PTGER3: variants seen among roughly 807,000 people sequenced by gnomAD.
PTGER3 encodes prostaglandin E receptor 3, also known as prostaglandin E2 receptor EP3 subtype.
In PTGER3, 22 loss-of-function variants were observed where a neutral mutation model predicts 34.7. That is an observed-to-expected ratio of 0.63 (90% CI 0.45 to 0.91). The LOEUF (loss-of-function observed/expected upper bound fraction) is 0.91, where lower values mean the gene tolerates loss of function less well. Among genes scored for constraint, PTGER3 ranks in the 40% least tolerant of loss-of-function variants. The pLI is 0.00. For synonymous variants in PTGER3, 241 were observed against 230.1 expected (o/e 1.05, Z -0.43); for missense variants, 468 against 519.4 (o/e 0.90, Z 0.96).
intron 4 of PTGER3, among the ~76,000 whole-genome samples, chr1:70,865,267 A>G (rs779009078): frequency 7.0e-4 from 106 of 152,280 alleles, no homozygotes; most frequent in Admixed American, 2.4e-3. Context: ...TATCAAAAGC[A>G]GTAGGGGTGT....
intron 4 of PTGER3, among the ~76,000 whole-genome samples, chr1:70,931,793 T>A (rs28845796): frequency 6.6e-6 from 1 of 152,302 alleles, no homozygotes; most frequent in East Asian, 1.9e-4. Flanking sequence ...CTTCCTGGTC[T>A]GTGATGGGAG....
At chr1:70,863,640 G>A (rs1645976979) in intron 4 of PTGER3, among the ~76,000 whole-genome samples, 2 of 151,976 alleles carry the variant, frequency 1.3e-5, no homozygotes, top group Non-Finnish European at 2.9e-5. Flanking sequence ...GAACTAGAAT[G>A]TAATAGACTA....
chr1:71,041,607 C>A (rs1429819941), intron 1 of PTGER3, among the ~76,000 whole-genome samples: 1 of 152,056 alleles, frequency 6.6e-6, no homozygotes, highest in African/African-American at 2.4e-5. Flanking sequence ...TTGGAAGTTT[C>A]TAGGGAAAAG....
chr1:70,993,940 G>C (rs569103150), intron 2 of PTGER3, among the ~76,000 whole-genome samples: 7 of 152,268 alleles, frequency 4.6e-5, no homozygotes, highest in African/African-American at 1.7e-4. Flanking sequence ...TTCTTCAAAG[G>C]CTCTTCGTTC....
At chr1:70,868,368 T>C (rs1646090879) in intron 4 of PTGER3, among the ~76,000 whole-genome samples, 2 of 152,246 alleles carry the variant, frequency 1.3e-5, no homozygotes, top group South Asian at 2.1e-4. Flanking sequence ...TTGTTTTCCC[T>C]TTGAGACTGT....
chr1:70,979,567 G>A (rs1025215596), intron 2 of PTGER3, among the ~76,000 whole-genome samples: 1 of 151,796 alleles, frequency 6.6e-6, no homozygotes, highest in Non-Finnish European at 1.5e-5. Flanking sequence ...TCTAGTCCGG[G>A]GCCTGCTATA....
chr1:70,967,644 A>G (rs1190716167), downstream of PTGER3, among the ~76,000 whole-genome samples: 3 of 152,160 alleles, frequency 2.0e-5, no homozygotes, highest in South Asian at 4.1e-4. Flanking sequence ...TATAATGATA[A>G]GCGTATATTT....
chr1:71,046,856 G>T lies in PTGER3; in HGVS notation c.722C>A (p.Ala241Glu). The change falls in exon 1 of 4, where the codon GCG becomes GAG. Residue 241 changes from alanine to glutamate, a missense_variant. By Grantham distance (107) the Ala-to-Glu change is moderately radical. Around this residue, in one of 5 missense-constraint regions of PTGER3, gnomAD observed 204 missense variants for 230.8 expected, o/e 0.88. Coordinates refer to ENST00000306666, the MANE Select transcript of PTGER3 (RefSeq NM_198719.2). ...GTTGCAGGAAAAGGTGACTGTCAGC[G>T]CCAAGAGCCCCAGGAAGGCAAAGGC... ...ASAFAFLGLLALTVTFSCNLA... is the reference protein window; with the variant it reads ...ASAFAFLGLLELTVTFSCNLA... 6.2e-7 allele frequency: 1 copy of T among 1,614,042 alleles called. No individual in the cohort carries two copies. Among genetic ancestry groups the T allele is most frequent in the Non-Finnish European group, 8.5e-7 (1 of 1,180,002 alleles).
chr1:70,962,391 G>A (rs1434545149), intron 2 of PTGER3, among the ~76,000 whole-genome samples: 1 of 150,780 alleles, frequency 6.6e-6, no homozygotes, highest in Non-Finnish European at 1.5e-5. Flanking sequence ...TGTAAAATTA[G>A]CTCTGTCTGT....
At chr1:70,973,605 T>G (rs1305072017) in intron 3 of PTGER3, among the ~76,000 whole-genome samples, 1 of 152,136 alleles carries the variant, frequency 6.6e-6, no homozygotes, top group Non-Finnish European at 1.5e-5. Flanking sequence ...ATGAGCATGC[T>G]TTTTCGCTAA....
At chr1:70,960,688 A>G (rs889121097) in intron 2 of PTGER3, among the ~76,000 whole-genome samples, 4 of 152,162 alleles carry the variant, frequency 2.6e-5, no homozygotes, top group African/African-American at 4.8e-5. Flanking sequence ...TATCAAGCAG[A>G]AAGGGGATTG....
intron 4 of PTGER3, among the ~76,000 whole-genome samples, chr1:70,931,519 C>T (rs1272516245): frequency 6.6e-6 from 1 of 152,224 alleles, no homozygotes; most frequent in Non-Finnish European, 1.5e-5. Context: ...TTCTCCTGGG[C>T]ATCCAGGCAT....
At chr1:71,007,860 AATG>A in intron 2 of PTGER3, 1 of 985,262 alleles carries the variant, frequency 1.0e-6, no homozygotes, top group Non-Finnish European at 1.2e-6. Flanking sequence ...GAGATGCACA[AATG>A]ATAATAACTT....
At chr1:70,896,886 A>G (rs1474590928) in intron 4 of PTGER3, among the ~76,000 whole-genome samples, 1 of 152,138 alleles carries the variant, frequency 6.6e-6, no homozygotes, top group Non-Finnish European at 1.5e-5. Context: ...CAAACCTCAG[A>G]AAATATCCCA....
chr1:70,882,319 G>C (rs1429930754), intron 4 of PTGER3, among the ~76,000 whole-genome samples: 3 of 152,152 alleles, frequency 2.0e-5, no homozygotes, highest in African/African-American at 7.2e-5. Context: ...GGACTGTTCG[G>C]CTGGAAGCTC....
chr1:71,047,816 C>G lies in PTGER3; in HGVS notation c.-239G>C, dbSNP rs1169569460. ...CTCTGGGAAACCTCTGGTGGCGAGG[C>G]GCGCGGAGGTGCCGAGTCCCCTTTA... On this transcript the variant is annotated 5_prime_UTR_variant, in exon 1 of 4. Coordinates refer to ENST00000306666, the MANE Select transcript of PTGER3 (RefSeq NM_198719.2). 2.7e-6 allele frequency: 1 copy of G among 365,396 alleles called. No individual in the cohort carries two copies. Among genetic ancestry groups the G allele is most frequent in the Non-Finnish European group, 4.7e-6 (1 of 213,390 alleles). 22.6% of individuals were successfully genotyped at this position (365,396 alleles called of 1,614,324 possible).
chr1:71,032,115 A>G (rs1289670966), intron 1 of PTGER3, among the ~76,000 whole-genome samples: 2 of 152,190 alleles, frequency 1.3e-5, no homozygotes, highest in Non-Finnish European at 2.9e-5. Flanking sequence ...ATAACATAAA[A>G]CCCAGACTAC....
intron 4 of PTGER3, among the ~76,000 whole-genome samples, chr1:70,886,945 A>C (rs1049327446): frequency 6.6e-6 from 1 of 152,240 alleles, no homozygotes. Context: ...AGGAAGAATA[A>C]GTTAACACTA....
chr1:71,021,765 A>G (rs1658441477), intron 1 of PTGER3, among the ~76,000 whole-genome samples: 1 of 151,818 alleles, frequency 6.6e-6, no homozygotes, highest in African/African-American at 2.4e-5. Flanking sequence ...GATGTGAATT[A>G]ATTGTGTGTG....
Sources: gnomAD v4.1 joint callset for allele counts (sites outside exome capture counted in the v4.1 genomes callset) on GRCh38, gnomAD v4.1.1 for gene constraint, gnomAD v4.1.1 regional missense constraint, MANE v1.5 for transcripts, NCBI Gene and HGNC (gene_info 2026-07-23, HGNC 2026-07-21) for gene names.